Variants in XG observed in about 807,000 individuals in gnomAD.
XG encodes the protein glycoprotein Xg.
A neutral mutation model predicts 25.7 loss-of-function variants in XG; 24 were observed. The observed-to-expected ratio is 0.93, with a 90% CI of 0.68 to 1.31. The LOEUF (loss-of-function observed/expected upper bound fraction) is 1.31. Ranked by LOEUF, XG falls within the 40% of genes most tolerant of loss-of-function variation. XG has a pLI of 0.00. For synonymous variants in XG, 77 were observed against 69.2 expected (o/e 1.11, Z -0.56); for missense variants, 181 against 187.6 (o/e 0.96, Z 0.21).
intron 7 of XG, 32 bp downstream of exon 7, chrX:2,797,392 TGGAGGGTG>T: frequency 8.8e-7 from 1 of 1,134,641 alleles, no homozygotes; most frequent in Non-Finnish European, 1.2e-6. Context: ...CGATGGTGGG[TGGAGGGTG>T]GGAGGGGTCA....
intron 10 of XG, among the ~76,000 whole-genome samples, 156 bp downstream of exon 10, chrX:2,811,608 CT>C (rs1337134569): frequency 9.0e-6 from 1 of 111,152 alleles, no homozygotes; most frequent in Non-Finnish European, 1.9e-5. Context: ...TATTTTTATT[CT>C]TTTTGAGACA....
chrX:2,812,334 G>A (rs754598593), intron 10 of XG, among the ~76,000 whole-genome samples: 147 of 111,497 alleles, frequency 1.3e-3, no homozygotes, highest in Non-Finnish European at 2.1e-3. Context: ...AGCAGAGGAT[G>A]CCCTAAAGAA....
rs113090204 is a variant in XG, at chrX:2,771,912, C to T, written c.103+1321C>T. On this transcript the variant is annotated intron_variant, in intron 2 of 10. Transcript: ENST00000644266. ...AATGACTCACCCCAACATGGAGATG[C>T]CATTTCTCCCATGAAGTTAGAAAAG... Among the ~76,000 whole-genome samples, 377 of 152,232 alleles carry T rather than the reference C, an allele frequency of 2.5e-3. 1 individual carries two copies. The highest frequency in any genetic ancestry group is 8.8e-3 in the African/African-American group (364 of 41,522).
chrX:2,754,321 A>G (rs2035957901), intron 1 of XG, among the ~76,000 whole-genome samples: 1 of 152,110 alleles, frequency 6.6e-6, no homozygotes, highest in Admixed American at 6.5e-5. Flanking sequence ...GCTGGACTTG[A>G]ACATCTCAGC....
chrX:2,758,165 G>A (rs1224695719), intron 1 of XG, among the ~76,000 whole-genome samples: 1 of 151,850 alleles, frequency 6.6e-6, no homozygotes, highest in Non-Finnish European at 1.5e-5. Context: ...AAAGGATCTA[G>A]CAAATTTGTA....
chrX:2,758,885 C>T (rs917772558), intron 1 of XG, among the ~76,000 whole-genome samples: 1 of 152,162 alleles, frequency 6.6e-6, no homozygotes, highest in African/African-American at 2.4e-5. Context: ...ACCTATCTGT[C>T]TCTATTATAT....
intron 10 of XG, among the ~76,000 whole-genome samples, chrX:2,812,719 C>T (rs1278773737): frequency 8.9e-6 from 1 of 111,888 alleles, no homozygotes; most frequent in Non-Finnish European, 1.9e-5. Flanking sequence ...GAAAAACTGC[C>T]TTATTTTCCT....
intron 1 of XG, among the ~76,000 whole-genome samples, chrX:2,759,151 C>T (rs1417942641): frequency 1.3e-5 from 2 of 152,116 alleles, no homozygotes. Context: ...TTGGCAATGT[C>T]TGGAAACAAT....
chrX:2,778,774 A>AT (rs1569463535), intron 3 of XG, among the ~76,000 whole-genome samples: 4 of 148,496 alleles, frequency 2.7e-5, no homozygotes, highest in East Asian at 2.0e-4. Flanking sequence ...CTCATGCGAT[A>AT]CTTTTTTTTT....
At chrX:2,789,788 C>T (rs41302621) in intron 5 of XG, 82 bp downstream of exon 5, 55 of 357,817 alleles carry the variant, frequency 1.5e-4, no homozygotes, top group Middle Eastern at 1.1e-3. Flanking sequence ...TGTTATTTTA[C>T]TTTATTTTAC....
chrX:2,798,369 CT>C (rs748928232), intron 7 of XG, among the ~76,000 whole-genome samples: 1,418 of 83,809 alleles, frequency 0.017, 22 homozygotes, highest in African/African-American at 0.055. Flanking sequence ...ACCATCTTTT[CT>C]TTTTTTTTTT....
At chrX:2,759,370 G>A (rs6655897) in intron 1 of XG, among the ~76,000 whole-genome samples, 32,123 of 151,824 alleles carry the variant, frequency 0.21, 5,645 homozygotes, top group African/African-American at 0.49. Flanking sequence ...GCTCCTGTAC[G>A]CTGTAGGAGG....
At chrX:2,776,590 A>G (rs1231043761) in intron 3 of XG, among the ~76,000 whole-genome samples, 1 of 152,068 alleles carries the variant, frequency 6.6e-6, no homozygotes, top group Admixed American at 6.6e-5. Context: ...TTCAGGTGGA[A>G]AGAAGGCTAG....
chrX:2,767,839 C>T (rs2050733472), intron 1 of XG, among the ~76,000 whole-genome samples: 1 of 152,184 alleles, frequency 6.6e-6, no homozygotes, highest in Admixed American at 6.6e-5. Context: ...GTAACGAGGT[C>T]TGGATGTGAC....
At chrX:2,776,071 C>G (rs1423808263) in intron 3 of XG, among the ~76,000 whole-genome samples, 1 of 152,070 alleles carries the variant, frequency 6.6e-6, no homozygotes, top group Admixed American at 6.5e-5. Flanking sequence ...GGGTGGATCA[C>G]AAGGTCAGGA....
intron 7 of XG, among the ~76,000 whole-genome samples, chrX:2,806,027 C>CT (rs1277654347): frequency 3.6e-5 from 4 of 111,662 alleles, no homozygotes; most frequent in Admixed American, 9.5e-5. Flanking sequence ...TATAGAAAAA[C>CT]TTTTTTTGCT....
intron 1 of XG, among the ~76,000 whole-genome samples, chrX:2,758,471 G>T (rs999573647): frequency 2.0e-5 from 3 of 152,188 alleles, no homozygotes; most frequent in African/African-American, 4.8e-5. Context: ...GGTTACCTTT[G>T]CGTGGAGTCT....
rs185552689 is a variant in XG, at chrX:2,752,774, T to A, written c.61+439T>A. On this transcript the variant is annotated intron_variant, in intron 1 of 10. Coordinates refer to ENST00000644266, the MANE Select transcript of XG (RefSeq NM_001141919.2). The stretch of plus-strand genomic sequence containing the variant: ...ATCCCGTGGGGCAGATTACCAGAGA[T>A]TCGTTTGCCGGAAGGGTTGCATTTA... The A allele has an allele frequency of 7.3e-4, 182 of 250,022 alleles. 1 individual carries two copies. The highest frequency in any genetic ancestry group is 4.1e-3 in the African/African-American group (177 of 43,288). 15.5% of individuals were successfully genotyped at this position (250,022 alleles called of 1,614,324 possible).
At chrX:2,770,688 G>A in intron 2 of XG, 97 bp downstream of exon 2, 1 of 1,486,884 alleles carries the variant, frequency 6.7e-7, no homozygotes, top group Non-Finnish European at 9.4e-7. Context: ...GGCCAGTGTT[G>A]GGAATTTCTT....
Sources: gnomAD v4.1 joint callset for allele counts (sites outside exome capture counted in the v4.1 genomes callset) on GRCh38, gnomAD v4.1.1 for gene constraint, MANE v1.5 for transcripts, NCBI Gene and HGNC (gene_info 2026-07-23, HGNC 2026-07-21) for gene names.